Variants in LRRC4C observed in about 807,000 individuals in gnomAD.
LRRC4C encodes leucine-rich repeat-containing protein 4C.
In LRRC4C, 5 loss-of-function variants were observed where a neutral mutation model predicts 33.6. That is an observed-to-expected ratio of 0.15 (90% CI 0.08 to 0.31). LRRC4C has a LOEUF of 0.31. LRRC4C is among the 10% of genes least tolerant of loss of function. The probability of loss-of-function intolerance (pLI) is 1.00; values close to 1 mark genes in which losing one functional copy is unlikely to be tolerated. For missense variants in LRRC4C, 560 were observed against 796.7 expected, an observed-to-expected ratio of 0.70 and a Z score of 3.58; for synonymous variants, 329 against 302.0, an observed-to-expected ratio of 1.09 and a Z score of -0.93.
chr11:41,379,012 G>GT (rs1953045390), intron 1 of LRRC4C, among the ~76,000 whole-genome samples: 1 of 146,938 alleles, frequency 6.8e-6, no homozygotes, highest in South Asian at 2.1e-4. Flanking sequence ...TTTCATGCTT[G>GT]TTTTTTTCTG....
At chr11:41,085,928 C>CAAAAAAAAAA (rs10717008) in intron 1 of LRRC4C, among the ~76,000 whole-genome samples, 49 of 80,138 alleles carry the variant, frequency 6.1e-4, no homozygotes, top group East Asian at 1.7e-3. Flanking sequence ...TTTAAGACAC[C>CAAAAAAAAAA]AAAAAAAAAA....
intron 2 of LRRC4C, among the ~76,000 whole-genome samples, chr11:40,759,185 A>AAT (rs1001363239): frequency 2.5e-4 from 37 of 147,072 alleles, no homozygotes; most frequent in Admixed American, 1.4e-3. Context: ...ATATATGAGG[A>AAT]ATATATATAA....
intron 3 of LRRC4C, among the ~76,000 whole-genome samples, chr11:40,564,523 C>T (rs1051446761): frequency 6.6e-6 from 1 of 152,150 alleles, no homozygotes; most frequent in Non-Finnish European, 1.5e-5. Flanking sequence ...GAGGTGGACA[C>T]AGGGCTGCCC....
chr11:40,454,033 C>T (rs910180350), intron 3 of LRRC4C, among the ~76,000 whole-genome samples: 1 of 152,104 alleles, frequency 6.6e-6, no homozygotes, highest in Non-Finnish European at 1.5e-5. Context: ...TGTCAATGAG[C>T]AGTGCTAAAA....
At chr11:40,783,028 T>C (rs1415651326) in intron 2 of LRRC4C, among the ~76,000 whole-genome samples, 2 of 152,170 alleles carry the variant, frequency 1.3e-5, no homozygotes, top group Non-Finnish European at 2.9e-5. Flanking sequence ...ACAATTTTGT[T>C]ACCATGAAGA....
intron 3 of LRRC4C, among the ~76,000 whole-genome samples, chr11:40,475,870 C>A (rs1052952540): frequency 6.6e-6 from 1 of 152,136 alleles, no homozygotes; most frequent in Non-Finnish European, 1.5e-5. Flanking sequence ...AATTCCTCCC[C>A]ATTTACTCTA....
Position 40,155,521 on chromosome 11 carries a change from A to G in LRRC4C, c.-95-14668T>C, listed in dbSNP as rs560458148. ...ACCTCACTAAGAAACAAAACAGGAG[A>G]TATTACAACTGACACCACTGAAATA... is the stretch of plus-strand genomic sequence containing the variant. On this transcript the variant is annotated intron_variant, in intron 5 of 6. Transcript: ENST00000528697. Among the ~76,000 whole-genome samples, 19 of 152,262 alleles carry G rather than the reference A, an allele frequency of 1.2e-4. No homozygotes were observed. The South Asian group carries it at 2.3e-3, about 18-fold the overall frequency.
chr11:41,111,038 A>G (rs563088190), intron 1 of LRRC4C, among the ~76,000 whole-genome samples: 1 of 152,170 alleles, frequency 6.6e-6, no homozygotes, highest in African/African-American at 2.4e-5. Context: ...ACTACTTTGG[A>G]GAAGCACTGT....
At chr11:40,619,432 G>A (rs964618105) in intron 3 of LRRC4C, among the ~76,000 whole-genome samples, 1 of 151,492 alleles carries the variant, frequency 6.6e-6, no homozygotes, top group East Asian at 1.9e-4. Flanking sequence ...CACCTACTAT[G>A]TATCCACAAA....
intron 1 of LRRC4C, among the ~76,000 whole-genome samples, chr11:41,372,601 T>C (rs530615536): frequency 1.3e-5 from 2 of 152,142 alleles, no homozygotes; most frequent in East Asian, 3.9e-4. Context: ...AGTCAGAAAA[T>C]GCTATGAAGT....
chr11:40,117,059 T>C (rs1412571944), intron 6 of LRRC4C, among the ~76,000 whole-genome samples: 2 of 152,156 alleles, frequency 1.3e-5, no homozygotes, highest in Non-Finnish European at 2.9e-5. Flanking sequence ...ATTTTCAAAA[T>C]GAAGAAATAT....
At chr11:41,302,404 T>C (rs1950312464) in intron 1 of LRRC4C, among the ~76,000 whole-genome samples, 1 of 152,220 alleles carries the variant, frequency 6.6e-6, no homozygotes, top group African/African-American at 2.4e-5. Context: ...TTAAGCATTG[T>C]CTAATTAGGT....
chr11:41,375,827 C>A (rs1019196108), intron 1 of LRRC4C, among the ~76,000 whole-genome samples: 1 of 151,776 alleles, frequency 6.6e-6, no homozygotes, highest in Non-Finnish European at 1.5e-5. Flanking sequence ...ACATCCTAGG[C>A]AGAGAATAAT....
intron 2 of LRRC4C, among the ~76,000 whole-genome samples, chr11:40,854,656 CA>C (rs2135775570): frequency 1.3e-5 from 2 of 151,158 alleles, no homozygotes; most frequent in Non-Finnish European, 2.9e-5. Context: ...GGCAAACCTG[CA>C]AAATTTTATA....
In LRRC4C at chr11:40,718,653, G is replaced by A. The variant is rs377354393; in HGVS notation, c.-406-70375C>T. 1.8e-4 allele frequency among the ~76,000 whole-genome samples: 27 copies of A among 152,192 alleles called. 1 individual carries two copies. In the East Asian group the frequency reaches 5.0e-3, roughly 28 times the overall value. On this transcript the variant is annotated intron_variant, in intron 2 of 6. Transcript: ENST00000528697. The stretch of plus-strand genomic sequence containing the variant: ...TGTTACTGCATAAATGTATTAATAG[G>A]TTATTTTATTATTGAACTTATAAAA...
At chr11:41,266,489 A>G (rs1244244233) in intron 1 of LRRC4C, among the ~76,000 whole-genome samples, 5 of 152,142 alleles carry the variant, frequency 3.3e-5, no homozygotes, top group Admixed American at 1.3e-4. Context: ...AAAAGAGAAA[A>G]AGGAATAGAC....
intron 2 of LRRC4C, among the ~76,000 whole-genome samples, chr11:40,794,627 G>C (rs760007029): frequency 7.9e-5 from 12 of 152,142 alleles, no homozygotes; most frequent in Non-Finnish European, 1.3e-4. Flanking sequence ...TTTCTATCCT[G>C]CAAGTGTTGG....
intron 2 of LRRC4C, among the ~76,000 whole-genome samples, chr11:40,718,597 A>G (rs952867260): frequency 1.2e-4 from 18 of 152,334 alleles, no homozygotes; most frequent in African/African-American, 3.8e-4. Context: ...AGTCTAAGTA[A>G]ACTACAAGTC....
chr11:40,622,586 A>G (rs958904036), intron 3 of LRRC4C, among the ~76,000 whole-genome samples: 9 of 151,936 alleles, frequency 5.9e-5, no homozygotes, highest in African/African-American at 9.7e-5. Flanking sequence ...TATTCTGCTC[A>G]TTGTAATGCA....
Sources: gnomAD v4.1 joint callset for allele counts (sites outside exome capture counted in the v4.1 genomes callset) on GRCh38, gnomAD v4.1.1 for gene constraint, MANE v1.5 for transcripts, NCBI Gene and HGNC (gene_info 2026-07-23, HGNC 2026-07-21) for gene names.